TEX15: variants seen among roughly 807,000 people sequenced by gnomAD.
TEX15 encodes the protein testis expressed 15, meiosis and synapsis associated.
TEX15 carries 171 observed loss-of-function variants against 237.3 expected under a neutral mutation model. That is an observed-to-expected ratio of 0.72 (90% CI 0.64 to 0.82). TEX15 has a LOEUF of 0.82. Ranked by LOEUF, TEX15 falls within the 40% of genes least tolerant of loss-of-function variation. The pLI is 0.00. For synonymous variants in TEX15, 1,338 were observed against 1,269.8 expected (o/e 1.05, Z -1.14); for missense variants, 3,750 against 3,646.5 (o/e 1.03, Z -0.73).
intron 7 of TEX15, among the ~76,000 whole-genome samples, chr8:30,854,099 G>A (rs573296252): frequency 2.0e-5 from 3 of 151,236 alleles, no homozygotes; most frequent in East Asian, 1.9e-4. Context: ...ACACACACAC[G>A]TGAAACAGCA....
At position 30,855,895 on chromosome 8, in the gene TEX15, T is replaced by C. The variant is rs770618312; in HGVS notation, c.850+2773A>G. On this transcript the variant is annotated intron_variant, in intron 7 of 10. Transcript: ENST00000643185. ...CAGATTAGGCAAATAAGTACATTAG[T>C]AGTTGCTTAGGGCTGGGGGTCAGGG... is the stretch of plus-strand genomic sequence containing the variant. 1.6e-4 allele frequency among the ~76,000 whole-genome samples: 24 copies of C among 152,124 alleles called. No homozygotes were observed. In the South Asian group the frequency reaches 2.3e-3, roughly 14 times the overall value.
At chr8:30,840,059 G>T in intron 8 of TEX15, 95 bp from the exon 9 acceptor site, 1 of 692,320 alleles carries the variant, frequency 1.4e-6, no homozygotes, top group African/African-American at 1.9e-5. Context: ...TTAATTGCTT[G>T]TTCTGCCATC....
In TEX15 at chr8:30,849,346, A is replaced by T. The variant is rs974427901; in HGVS notation, c.851-30T>A. The T allele has an allele frequency of 2.2e-6, 3 of 1,378,018 alleles. No homozygotes were observed. The African/African-American group carries it at 4.4e-5, about 20-fold the overall frequency. The allele number at this position is 1,378,018 out of a possible 1,614,324, so 85.4% of individuals were successfully genotyped here. A position where few individuals can be genotyped will look rare whatever the true frequency, so the allele number is the denominator to read the frequency against. ...GGAAATAATAAGGAAGACAAATTTG[A>T]AAAAAAGTGTTTCTATAGACAACTA... is the stretch of plus-strand genomic sequence containing the variant. On this transcript the variant is annotated intron_variant, in intron 7 of 10. Coordinates refer to ENST00000643185, the MANE Select transcript of TEX15 (RefSeq NM_001350162.2).
intron 2 of TEX15, chr8:30,890,378 T>C (rs1384955195): frequency 1.3e-5 from 2 of 152,138 alleles, no homozygotes; most frequent in African/African-American, 4.8e-5. Flanking sequence ...AGGAGGAAAT[T>C]AAATCAGTAG....
At chr8:30,856,607 CA>C (rs1266630908) in intron 7 of TEX15, among the ~76,000 whole-genome samples, 1 of 152,036 alleles carries the variant, frequency 6.6e-6, no homozygotes, top group Non-Finnish European at 1.5e-5. Flanking sequence ...GATGATTGCA[CA>C]TATTTGTGAA....
chr8:30,861,472 A>C (rs1364943942), intron 5 of TEX15, among the ~76,000 whole-genome samples: 1 of 152,184 alleles, frequency 6.6e-6, no homozygotes, highest in Non-Finnish European at 1.5e-5. Context: ...TTCAACAATC[A>C]AAACAATACT....
rs1807641191 is a variant in TEX15 at position 30,847,258 on chromosome 8, G to A, written c.2909C>T (p.Pro970Leu). 1.2e-6 allele frequency: 2 copies of A among 1,613,658 alleles called. No homozygotes were observed. The highest frequency in any genetic ancestry group is 1.7e-6 in the Non-Finnish European group (2 of 1,179,784). ...SVEHLASTTF[P>L]KTASSSVCVA... Reference sequence around the variant, plus strand: ...ACACACTGAAGAACTTGCAGTTTTGGGAAATGTCGTGGAAGCCAAATGCTC... The same window carrying A: ...ACACACTGAAGAACTTGCAGTTTTGAGAAATGTCGTGGAAGCCAAATGCTC... Residue 970 changes from proline to leucine, a missense_variant, in exon 8 of 11, where the codon CCC becomes CTC. By Grantham distance (98) the Pro-to-Leu change is moderately conservative. Coordinates refer to ENST00000643185, the MANE Select transcript of TEX15 (RefSeq NM_001350162.2).
intron 1 of TEX15, among the ~76,000 whole-genome samples, chr8:30,902,053 C>T (rs942488520): frequency 1.3e-5 from 2 of 152,164 alleles, no homozygotes; most frequent in Non-Finnish European, 2.9e-5. Context: ...AATGCAAATC[C>T]TCTGGCTTCA....
At chr8:30,904,679 C>T in intron 1 of TEX15, among the ~76,000 whole-genome samples, 1 of 152,130 alleles carries the variant, frequency 6.6e-6, no homozygotes, top group East Asian at 1.9e-4. Context: ...CTTTCAATGT[C>T]AATGAGGTGT....
intron 7 of TEX15, among the ~76,000 whole-genome samples, chr8:30,854,582 A>T (rs1176229813): frequency 1.3e-5 from 2 of 152,102 alleles, no homozygotes; most frequent in Non-Finnish European, 2.9e-5. Context: ...AATAATACCA[A>T]TTCTTCATAT....
Position 30,846,761 on chromosome 8 carries a change from A to C in TEX15, c.3406T>G (p.Phe1136Val), listed in dbSNP as rs755396546. 1.4e-5 allele frequency: 22 copies of C among 1,613,830 alleles called. No individual in the cohort carries two copies. Among genetic ancestry groups the C allele is most frequent in the Non-Finnish European group, 1.7e-5 (20 of 1,179,784 alleles). The change falls in exon 8 of 11, where the codon TTT (phenylalanine) becomes GTT (valine). Residue 1136 changes from phenylalanine to valine, a missense_variant. Coordinates refer to ENST00000643185, the MANE Select transcript of TEX15 (RefSeq NM_001350162.2). ...DQHYSKESNY[F>V]YSSTQNNETE... ...TCATTGTTTTGTGTAGAGGAATAAA[A>C]ATAGTTACTTTCCTTAGAATAATGC...
chr8:30,875,617 T>C (rs1808383740), intron 3 of TEX15, among the ~76,000 whole-genome samples: 1 of 152,164 alleles, frequency 6.6e-6, no homozygotes. Context: ...TTGTAGTAAA[T>C]AGATGCATAA....
rs757127111 is a variant in TEX15, at chr8:30,836,809, C to T, written c.9475G>A (p.Val3159Ile). The change falls in exon 10 of 11, where the codon GTT becomes ATT. Residue 3159 changes from valine to isoleucine, a missense_variant. Transcript: ENST00000643185. ...NRFVPPEVPW[V>I]YAPWHQESFH... is the part of the protein sequence containing the mutation. ...ATTAAAATGTGAAACTCACCATAAACCCAAGGAACTTCTGGAGGCACAAAT... is the reference window on the plus strand; with the variant it reads ...ATTAAAATGTGAAACTCACCATAAATCCAAGGAACTTCTGGAGGCACAAAT... 6.9e-6 allele frequency: 11 copies of T among 1,600,190 alleles called. No individual in the cohort carries two copies. In the South Asian group the frequency reaches 1.2e-4, roughly 18 times the overall value.
At chr8:30,890,543 A>T (rs1280143832) in intron 2 of TEX15, 2 of 152,194 alleles carry the variant, frequency 1.3e-5, no homozygotes, top group Non-Finnish European at 2.9e-5. Flanking sequence ...CAATCTTCAA[A>T]GTCATCAATG....
chr8:30,912,851 C>T (rs935426206), intron 1 of TEX15, 28 bp downstream of exon 1: 8 of 152,418 alleles, frequency 5.2e-5, no homozygotes, highest in African/African-American at 1.9e-4. Context: ...TAACCCTCCT[C>T]TCCTCATCTG....
intron 1 of TEX15, among the ~76,000 whole-genome samples, chr8:30,904,998 T>C (rs1457939441): frequency 1.3e-5 from 2 of 152,184 alleles, no homozygotes; most frequent in Non-Finnish European, 2.9e-5. Context: ...ACTTACACAT[T>C]TTCTTTAGGT....
At chr8:30,882,880 TC>T (rs1042137917) in intron 3 of TEX15, among the ~76,000 whole-genome samples, 3 of 151,874 alleles carry the variant, frequency 2.0e-5, no homozygotes, top group Admixed American at 6.6e-5. Flanking sequence ...CAAGTGATCC[TC>T]CCACCTCAGC....
In TEX15 at chr8:30,831,792, A is replaced by G. The variant is rs1807184632; in HGVS notation, c.*1494T>C. 1 of 152,206 alleles carries G rather than the reference A, an allele frequency of 6.6e-6. No individual in the cohort carries two copies. The highest frequency in any genetic ancestry group is 1.5e-5 in the Non-Finnish European group (1 of 68,028). 9.4% of individuals were successfully genotyped at this position (152,206 alleles called of 1,614,324 possible). A position where few individuals can be genotyped will look rare whatever the true frequency, so the allele number is the denominator to read the frequency against. ...GTAACATCTTGCCATAACCAAACATAAACCAAATGACTGAGGGAAACATAA... is the reference window on the plus strand; with the variant it reads ...GTAACATCTTGCCATAACCAAACATGAACCAAATGACTGAGGGAAACATAA... On this transcript the variant is annotated 3_prime_UTR_variant, in exon 11 of 11. Coordinates refer to ENST00000643185, the MANE Select transcript of TEX15 (RefSeq NM_001350162.2).
intron 2 of TEX15, among the ~76,000 whole-genome samples, chr8:30,891,939 C>T (rs887374604): frequency 6.6e-6 from 1 of 152,252 alleles, no homozygotes; most frequent in Non-Finnish European, 1.5e-5. Context: ...ATATTTATTG[C>T]AAGTAATTCC....
Sources: allele counts gnomAD v4.1 joint callset (sites outside exome capture counted in the v4.1 genomes callset), GRCh38; gene constraint gnomAD v4.1.1; transcripts MANE v1.5; gene names NCBI Gene and HGNC (gene_info 2026-07-23, HGNC 2026-07-21).